TMBIM4: variants seen among roughly 807,000 people sequenced by gnomAD.
TMBIM4 encodes transmembrane BAX inhibitor motif containing 4, also known as protein lifeguard 4.
In TMBIM4, 28 loss-of-function variants were observed where a neutral mutation model predicts 27.7. The observed-to-expected ratio is 1.01, with a 90% CI of 0.75 to 1.38. TMBIM4 has a LOEUF of 1.38. Among genes scored for constraint, TMBIM4 ranks in the 40% most tolerant of loss-of-function variants. The pLI is 0.00. For synonymous variants in TMBIM4, 115 were observed against 113.1 expected (o/e 1.02, Z -0.11); for missense variants, 265 against 277.5 (o/e 0.95, Z 0.32).
chr12:66,152,406 T>C (rs755934210), intron 2 of TMBIM4, 30 bp from the exon 3 acceptor site: 1 of 1,484,206 alleles, frequency 6.7e-7, no homozygotes, highest in South Asian at 1.2e-5. Flanking sequence ...GTGTTTCAAG[T>C]TAAAGAAAAA....
At chr12:66,155,210 G>GA (rs142153668) in intron 1 of TMBIM4, among the ~76,000 whole-genome samples, 21 of 151,878 alleles carry the variant, frequency 1.4e-4, no homozygotes, top group African/African-American at 3.6e-4. Context: ...TGGGCTATGA[G>GA]AAAAAAAATC....
chr12:66,142,505 A>G (rs1158937020), intron 5 of TMBIM4, among the ~76,000 whole-genome samples: 1 of 151,620 alleles, frequency 6.6e-6, no homozygotes, highest in East Asian at 1.9e-4. Flanking sequence ...TAACAGTAGT[A>G]TCAGCATTTT....
At position 66,135,973 on chromosome 12, in the gene TMBIM4, CTTGT is replaced by C. The variant is rs1177478301; in HGVS notation, c.*1983_*1986del. ...TAGGAAAACCAGAGACCTTTGTTCACTTGTTTATCTGCTGACCTTCCCTCCACTA... is the reference window on the plus strand; with the variant it reads ...TAGGAAAACCAGAGACCTTTGTTCACTTATCTGCTGACCTTCCCTCCACTA... On this transcript the variant is annotated 3_prime_UTR_variant, in exon 7 of 7. Coordinates refer to ENST00000358230, the MANE Select transcript of TMBIM4 (RefSeq NM_016056.4). The C allele has an allele frequency of 1.5e-5, 1 of 67,148 alleles. No individual in the cohort carries two copies. Among genetic ancestry groups the C allele is most frequent in the African/African-American group, 8.7e-5 (1 of 11,488 alleles). The allele number at this position is 67,148 out of a possible 1,614,324, so 4.2% of individuals were successfully genotyped here.
At position 66,138,114 on chromosome 12, in the gene TMBIM4, AG is replaced by A; in HGVS notation, c.562del (p.Leu188PhefsTer14). 1 of 1,614,152 alleles carries A rather than the reference AG, an allele frequency of 6.2e-7. No homozygotes were observed. Among genetic ancestry groups the A allele is most frequent in the South Asian group, 1.1e-5 (1 of 91,086 alleles). The part of the protein sequence containing the change: ...MELVLAAAGA[L>X]LFCGFIIYDT... ...ATAGATGATGAATCCACAGAAAAGA[AG>A]GGCTCCTGCAGCGGCTAAGACCAAC... On this transcript the variant is annotated frameshift_variant, in exon 7 of 7. Transcript: ENST00000358230. LOFTEE classifies it high-confidence loss of function.
intron 2 of TMBIM4, 130 bp from the exon 3 acceptor site, chr12:66,152,506 A>AC (rs2051862639): frequency 4.1e-6 from 2 of 493,568 alleles, no homozygotes; most frequent in Admixed American, 7.8e-5. Flanking sequence ...AATGATCCAC[A>AC]CCAAACTATC....
intron 1 of TMBIM4, among the ~76,000 whole-genome samples, chr12:66,167,807 C>T (rs563251485): frequency 6.6e-6 from 1 of 152,260 alleles, no homozygotes; most frequent in Non-Finnish European, 1.5e-5. Context: ...ATGTGCACAC[C>T]TATATTCATG....
At chr12:66,160,212 C>T (rs994362533) in intron 1 of TMBIM4, 2 of 703,176 alleles carry the variant, frequency 2.8e-6, no homozygotes, top group African/African-American at 1.7e-5. Flanking sequence ...ACCAGATTGC[C>T]GGAGATGAAA....
intron 1 of TMBIM4, 148 bp downstream of exon 1, chr12:66,169,707 T>C (rs2052202010): frequency 1.8e-6 from 1 of 566,150 alleles, no homozygotes; most frequent in South Asian, 3.0e-5. Context: ...AGTCCTCTGG[T>C]ACCCGGAGAA....
At chr12:66,159,075 G>C (rs970392562) in intron 1 of TMBIM4, among the ~76,000 whole-genome samples, 1 of 152,204 alleles carries the variant, frequency 6.6e-6, no homozygotes, top group Non-Finnish European at 1.5e-5. Context: ...TGACCAGAGG[G>C]AAGACTGTGG....
intron 5 of TMBIM4, among the ~76,000 whole-genome samples, chr12:66,142,560 C>T (rs1214976756): frequency 2.0e-5 from 3 of 151,848 alleles, no homozygotes; most frequent in Non-Finnish European, 4.4e-5. Context: ...ATGACACCTA[C>T]ACACACAGTG....
Position 66,168,083 on chromosome 12 carries a change from T to C in TMBIM4, c.97+1772A>G, listed in dbSNP as rs1488431821. The stretch of plus-strand genomic sequence containing the variant: ...AAAGTACAAAAAAATTAGCCAGGCC[T>C]GGTGACCTGCATTTGTAATCCCAAC... On this transcript the variant is annotated intron_variant, in intron 1 of 6. Coordinates refer to ENST00000358230, the MANE Select transcript of TMBIM4 (RefSeq NM_016056.4). Among the ~76,000 whole-genome samples, 5 of 151,992 alleles carry C rather than the reference T, an allele frequency of 3.3e-5. No homozygotes were observed. In the East Asian group the frequency reaches 9.7e-4, roughly 30 times the overall value.
chr12:66,158,473 T>C lies in TMBIM4; in HGVS notation c.98-5025A>G, dbSNP rs186179779. Among the ~76,000 whole-genome samples the C allele has an allele frequency of 7.3e-5, 11 of 151,616 alleles. No individual in the cohort carries two copies. The East Asian group carries it at 1.8e-3, about 24-fold the overall frequency. On this transcript the variant is annotated intron_variant, in intron 1 of 6. Coordinates refer to ENST00000358230, the MANE Select transcript of TMBIM4 (RefSeq NM_016056.4). ...GGCCAACATGGTGAAACCCCGTCTC[T>C]ACTAAAAATACAAAAATTAGCTGGG... is the stretch of plus-strand genomic sequence containing the variant.
intron 1 of TMBIM4, among the ~76,000 whole-genome samples, chr12:66,158,191 A>C (rs1592550197): frequency 7.0e-6 from 1 of 143,580 alleles, no homozygotes; most frequent in South Asian, 2.2e-4. Flanking sequence ...GCACCACTGC[A>C]CTCCAGCCTG....
chr12:66,138,119 T>G lies in TMBIM4; in HGVS notation c.558A>C (p.Gly186=). ...EIMELVLAAA[G]ALLFCGFIIY... The stretch of plus-strand genomic sequence containing the variant: ...TGATGAATCCACAGAAAAGAAGGGC[T>G]CCTGCAGCGGCTAAGACCAACTCCA... Residue 186 remains glycine (G), a synonymous_variant, in exon 7 of 7, where the codon GGA becomes GGC. Transcript: ENST00000358230. 1.2e-6 allele frequency: 2 copies of G among 1,614,002 alleles called. No individual in the cohort carries two copies. The highest frequency in any genetic ancestry group is 1.3e-5 in the African/African-American group (1 of 74,982).
At chr12:66,143,718 C>T (rs533132003) in intron 5 of TMBIM4, among the ~76,000 whole-genome samples, 212 of 152,302 alleles carry the variant, frequency 1.4e-3, no homozygotes, top group Non-Finnish European at 2.2e-3. Flanking sequence ...ATTTAACGCA[C>T]TTCTTCAGTC....
chr12:66,144,019 A>C (rs1261752235), intron 5 of TMBIM4, among the ~76,000 whole-genome samples: 1 of 152,176 alleles, frequency 6.6e-6, no homozygotes, highest in African/African-American at 2.4e-5. Flanking sequence ...ATAGCAGTAG[A>C]TGTGATTCAG....
At position 66,153,453 on chromosome 12, in the gene TMBIM4, A is replaced by AATGTTCACCATCCCTGATCTACC; in HGVS notation, c.98-6_98-5insGGTAGATCAGGGATGGTGAACAT. Reference sequence around the variant, plus strand: ...TGTAGACTTTTCTCAGAAAGGCTAAAAGAGAAAAAAAATTACATTACTATT... The same window carrying AATGTTCACCATCCCTGATCTACC: ...TGTAGACTTTTCTCAGAAAGGCTAAAATGTTCACCATCCCTGATCTACCAGAGAAAAAAAATTACATTACTATT... On this transcript the variant is annotated splice_region_variant and splice_polypyrimidine_tract_variant and intron_variant, in intron 1 of 6. Transcript: ENST00000358230. 1 of 1,482,218 alleles carries AATGTTCACCATCCCTGATCTACC rather than the reference A, an allele frequency of 6.7e-7. No homozygotes were observed. 91.8% of individuals were successfully genotyped at this position (1,482,218 alleles called of 1,614,324 possible).
chr12:66,147,928 GC>G lies in TMBIM4; in HGVS notation c.325del (p.Ala109LeufsTer2). The G allele has an allele frequency of 6.2e-7, 1 of 1,611,532 alleles. No homozygotes were observed. Among genetic ancestry groups the G allele is most frequent in the Non-Finnish European group, 8.5e-7 (1 of 1,178,702 alleles). ...CTTACCAACAACTGCCACAGTCAGAGCTTCCAACAGCGTCTAATGAAAAGAA... is the reference window on the plus strand; with the variant it reads ...CTTACCAACAACTGCCACAGTCAGAGTTCCAACAGCGTCTAATGAAAAGAA... ...YLLFGFTLLE[A>X]LTVAVVVTFY... On this transcript the variant is annotated frameshift_variant, in exon 4 of 7. Coordinates refer to ENST00000358230, the MANE Select transcript of TMBIM4 (RefSeq NM_016056.4). LOFTEE classifies it high-confidence loss of function.
chr12:66,155,804 T>C (rs970680177), intron 1 of TMBIM4, among the ~76,000 whole-genome samples: 1 of 152,230 alleles, frequency 6.6e-6, no homozygotes, highest in Non-Finnish European at 1.5e-5. Context: ...TGTTTATTTG[T>C]ATATATGTAC....
Sources: gnomAD v4.1 joint callset for allele counts (sites outside exome capture counted in the v4.1 genomes callset) on GRCh38, gnomAD v4.1.1 for gene constraint, MANE v1.5 for transcripts, NCBI Gene and HGNC (gene_info 2026-07-23, HGNC 2026-07-21) for gene names.